ZNF160: variants seen among roughly 807,000 people sequenced by gnomAD.
The protein encoded by ZNF160 is zinc finger protein 160.
Under a neutral mutation model 13.1 loss-of-function variants are expected in ZNF160, and 9 were observed. The ratio of observed to expected loss-of-function variants is 0.69; its 90% CI spans 0.41 to 1.20. The LOEUF (loss-of-function observed/expected upper bound fraction) is 1.20. Among genes scored for constraint, ZNF160 ranks in the 50% most tolerant of loss-of-function variants. ZNF160 has a pLI of 0.01. For missense variants in ZNF160, 838 were observed against 988.0 expected (o/e 0.85, Z 2.04); for synonymous variants, 293 against 333.2 (o/e 0.88, Z 1.31).
At chr19:53,074,388 C>G in intron 4 of ZNF160, 120 bp from the exon 5 acceptor site, 1 of 1,457,020 alleles carries the variant, frequency 6.9e-7, no homozygotes, top group South Asian at 1.4e-5. Flanking sequence ...ATCCACTGGG[C>G]CAGGCGCGGT....
rs549361655 is a variant in ZNF160, at chr19:53,074,691, T to C, written c.142+366A>G. Among the ~76,000 whole-genome samples, 42 of 138,524 alleles carry C rather than the reference T, an allele frequency of 3.0e-4. No individual in the cohort carries two copies. The South Asian group carries it at 9.0e-3, about 30-fold the overall frequency. 90.9% of individuals were successfully genotyped at this position (138,524 alleles called of 152,430 possible). On this transcript the variant is annotated intron_variant, in intron 4 of 5. Coordinates refer to ENST00000683776, the MANE Select transcript of ZNF160 (RefSeq NM_001322131.2). ...CCTCAAAAAAAAAAAAAAAAAATCA[T>C]CCACTGAATGCCTCCTTCTGAATAC...
At chr19:53,075,634 T>C in intron 3 of ZNF160, 1 of 450,694 alleles carries the variant, frequency 2.2e-6, no homozygotes, top group Non-Finnish European at 4.4e-6. Context: ...ACAGAATACA[T>C]GAGAGAATAC....
intron 3 of ZNF160, among the ~76,000 whole-genome samples, chr19:53,081,611 A>G (rs78926475): frequency 1.8e-3 from 270 of 151,106 alleles, no homozygotes; most frequent in African/African-American, 6.3e-3. Flanking sequence ...TAAAAAAAAA[A>G]CAACAAATAT....
intron 3 of ZNF160, chr19:53,086,014 C>A: frequency 7.1e-7 from 1 of 1,416,364 alleles, no homozygotes; most frequent in Non-Finnish European, 9.6e-7. Flanking sequence ...GACCCTCACC[C>A]CGTCTCCATC....
intron 5 of ZNF160, among the ~76,000 whole-genome samples, chr19:53,071,658 A>T (rs911870051): frequency 1.3e-5 from 2 of 149,666 alleles, no homozygotes; most frequent in African/African-American, 4.9e-5. Flanking sequence ...GAGATGTCTT[A>T]AAAAATAAAA....
chr19:53,098,157 C>T (rs1485170169), intron 1 of ZNF160, among the ~76,000 whole-genome samples: 1 of 152,212 alleles, frequency 6.6e-6, no homozygotes, highest in East Asian at 1.9e-4. Context: ...CCAAAACCCA[C>T]TTCCAGGTGC....
chr19:53,071,222 G>A (rs568005202), intron 5 of ZNF160, among the ~76,000 whole-genome samples: 2 of 151,694 alleles, frequency 1.3e-5, no homozygotes, highest in African/African-American at 4.8e-5. Flanking sequence ...AATTAGTTTG[G>A]CATGCTGGCA....
chr19:53,075,803 A>AG, intron 3 of ZNF160: 1 of 518,948 alleles, frequency 1.9e-6, no homozygotes, highest in Middle Eastern at 3.2e-4. Context: ...AATTTCAAGG[A>AG]GGGGGTCATC....
chr19:53,084,812 G>A (rs1473536583), intron 3 of ZNF160: 1 of 152,184 alleles, frequency 6.6e-6, no homozygotes, highest in Non-Finnish European at 1.5e-5. Flanking sequence ...TGCACCTGGG[G>A]TAGGGATAGA....
intron 5 of ZNF160, chr19:53,073,471 C>T: frequency 6.3e-7 from 1 of 1,598,134 alleles, no homozygotes; most frequent in Non-Finnish European, 8.5e-7. Flanking sequence ...CAGCAGATGC[C>T]AAGGAGCAGC....
intron 5 of ZNF160, among the ~76,000 whole-genome samples, chr19:53,071,001 G>C (rs1271150993): frequency 6.6e-6 from 1 of 151,912 alleles, no homozygotes; most frequent in Non-Finnish European, 1.5e-5. Context: ...ATTGAGTCCA[G>C]CTTGGCCAAC....
intron 3 of ZNF160, chr19:53,085,084 G>T: frequency 1.2e-6 from 1 of 841,218 alleles, no homozygotes; most frequent in Non-Finnish European, 1.4e-6. Flanking sequence ...TTCCACAAGT[G>T]CTGGGATTAC....
At chr19:53,095,137 C>T (rs1452913600) in intron 1 of ZNF160, among the ~76,000 whole-genome samples, 1 of 137,568 alleles carries the variant, frequency 7.3e-6, no homozygotes, top group Non-Finnish European at 1.6e-5. Context: ...CAGACCGCAC[C>T]CCAGGGCGAC....
chr19:53,069,042 T>A lies in ZNF160; in HGVS notation c.1492A>T (p.Asn498Tyr). ...KVFTQNSQLA[N>Y]HRRIHTGEKP... ...TCTCCAGTATGAATTCTTCGATGAT[T>A]TGCAAGTTGTGAATTTTGAGTGAAA... The change falls in exon 6 of 6, where the codon AAT becomes TAT. Residue 498 changes from asparagine to tyrosine, a missense_variant. Asn to Tyr is a moderately radical substitution (Grantham distance 143). Coordinates refer to ENST00000683776, the MANE Select transcript of ZNF160 (RefSeq NM_001322131.2). The surrounding 1 kb of genome is among the most constrained non-coding windows in gnomAD (Gnocchi z 4.4). 6.2e-7 allele frequency: 1 copy of A among 1,614,202 alleles called. No individual in the cohort carries two copies. Among genetic ancestry groups the A allele is most frequent in the Non-Finnish European group, 8.5e-7 (1 of 1,180,034 alleles).
chr19:53,083,783 C>T (rs1004106902), intron 3 of ZNF160, among the ~76,000 whole-genome samples: 1 of 152,118 alleles, frequency 6.6e-6, no homozygotes, highest in Non-Finnish European at 1.5e-5. Flanking sequence ...AGCACACAAC[C>T]GTAGTCCCAG....
intron 2 of ZNF160, among the ~76,000 whole-genome samples, chr19:53,090,232 CTCTG>C (rs1239804008): frequency 6.6e-6 from 1 of 152,138 alleles, no homozygotes. Context: ...CTCCCCCACT[CTCTG>C]TCTGAGGAGC....
At chr19:53,098,062 ATC>A (rs2085302100) in intron 1 of ZNF160, among the ~76,000 whole-genome samples, 2 of 152,044 alleles carry the variant, frequency 1.3e-5, no homozygotes, top group South Asian at 4.1e-4. Flanking sequence ...CTGCATGCAA[ATC>A]TCTGTGTCAG....
intron 3 of ZNF160, chr19:53,075,670 T>C (rs1031967364): frequency 3.9e-6 from 2 of 509,066 alleles, no homozygotes; most frequent in South Asian, 2.8e-5. Context: ...TCCTTTCCCA[T>C]ATCTCAACTA....
At chr19:53,079,020 G>C (rs1158038177) in intron 3 of ZNF160, among the ~76,000 whole-genome samples, 1 of 152,080 alleles carries the variant, frequency 6.6e-6, no homozygotes, top group Non-Finnish European at 1.5e-5. Flanking sequence ...GATATTATTC[G>C]TGATAAACAC....
Sources: gnomAD v4.1 joint callset for allele counts (sites outside exome capture counted in the v4.1 genomes callset) on GRCh38, gnomAD v4.1.1 for gene constraint, Gnocchi (gnomAD v3.1) non-coding constraint, MANE v1.5 for transcripts, NCBI Gene and HGNC (gene_info 2026-07-23, HGNC 2026-07-21) for gene names.